The following MNAT1 variants were observed in gnomAD, a reference collection of about 807,000 sequenced individuals.
The protein encoded by MNAT1 is CDK-activating kinase assembly factor MAT1.
In MNAT1, 43 loss-of-function variants were observed where a neutral mutation model predicts 42.0. That is an observed-to-expected ratio of 1.02 (90% CI 0.80 to 1.32). The LOEUF (loss-of-function observed/expected upper bound fraction) is 1.32. MNAT1 is among the 40% of genes most tolerant of loss of function. MNAT1 has a pLI of 0.00. For synonymous variants in MNAT1, 118 were observed against 120.0 expected, an observed-to-expected ratio of 0.98 and a Z score of 0.11; for missense variants, 306 against 350.4, an observed-to-expected ratio of 0.87 and a Z score of 1.01.
chr14:60,834,862 C>T (rs1022752088), intron 6 of MNAT1, among the ~76,000 whole-genome samples: 1 of 151,938 alleles, frequency 6.6e-6, no homozygotes, highest in Non-Finnish European at 1.5e-5. Context: ...ATATTGGGTG[C>T]ATATATATTT....
At chr14:60,816,532 T>G (rs2032721305) in intron 5 of MNAT1, among the ~76,000 whole-genome samples, 1 of 152,068 alleles carries the variant, frequency 6.6e-6, no homozygotes, top group Non-Finnish European at 1.5e-5. Flanking sequence ...ATGGTCATTA[T>G]AAAGCTTTTA....
At chr14:60,754,363 A>G (rs2030239076) in intron 1 of MNAT1, among the ~76,000 whole-genome samples, 1 of 132,016 alleles carries the variant, frequency 7.6e-6, no homozygotes, top group African/African-American at 2.9e-5. Context: ...TTTTTTTGAG[A>G]CCGAGTCTCG....
chr14:60,865,454 C>T (rs150115452), intron 6 of MNAT1, among the ~76,000 whole-genome samples: 1 of 152,116 alleles, frequency 6.6e-6, no homozygotes, highest in African/African-American at 2.4e-5. Context: ...AAATTTCTTG[C>T]GAATACTGTT....
At chr14:60,809,460 G>C (rs2032477872) in intron 4 of MNAT1, among the ~76,000 whole-genome samples, 1 of 151,986 alleles carries the variant, frequency 6.6e-6, no homozygotes, top group Admixed American at 6.6e-5. Context: ...TCTTTGCCTA[G>C]TAACCTTCTC....
In MNAT1 at chr14:60,736,103, A is replaced by G. The variant is rs116927920; in HGVS notation, c.89+1152A>G. On this transcript the variant is annotated intron_variant, in intron 1 of 7. Coordinates refer to ENST00000261245, the MANE Select transcript of MNAT1 (RefSeq NM_002431.4). ...TATTTTCCTTTGCTTTACTCTGCAA[A>G]GAAGTATAGTAGAGCTGTGATTGAA... 3.1e-3 allele frequency among the ~76,000 whole-genome samples: 471 copies of G among 152,358 alleles called. 9 individuals are homozygous for G. In the East Asian group the frequency reaches 0.031, roughly 10 times the overall value.
chr14:60,874,987 T>C (rs536940596), intron 6 of MNAT1, among the ~76,000 whole-genome samples: 2 of 152,270 alleles, frequency 1.3e-5, no homozygotes, highest in East Asian at 1.9e-4. Flanking sequence ...ATCTATCTCA[T>C]GAGTTTTTTC....
chr14:60,918,198 CTTTTTTTTTTTT>C (rs386381525), intron 7 of MNAT1, among the ~76,000 whole-genome samples: 6,421 of 48,634 alleles, frequency 0.13, 601 homozygotes, highest in African/African-American at 0.38. Context: ...ATTAATTGTT[CTTTTTTTTTTTT>C]TTTTTTTTTT....
intron 6 of MNAT1, among the ~76,000 whole-genome samples, chr14:60,865,999 T>C (rs1430303227): frequency 6.6e-6 from 1 of 152,114 alleles, no homozygotes; most frequent in Non-Finnish European, 1.5e-5. Flanking sequence ...TTCCATGAAC[T>C]CTGCTGAATG....
intron 6 of MNAT1, among the ~76,000 whole-genome samples, chr14:60,860,873 T>C (rs2139433529): frequency 6.6e-6 from 1 of 152,310 alleles, no homozygotes; most frequent in African/African-American, 2.4e-5. Context: ...AGAATAAGAT[T>C]GTTCTTTAAG....
chr14:60,844,000 G>A (rs10135867), intron 6 of MNAT1, among the ~76,000 whole-genome samples: 144,084 of 152,216 alleles, frequency 0.95, 68,467 homozygotes, highest in Non-Finnish European at 0.99. Flanking sequence ...TTTTTTGCAT[G>A]TGAACATTTA....
chr14:60,942,133 C>G (rs2036177269), intron 7 of MNAT1, among the ~76,000 whole-genome samples: 1 of 147,828 alleles, frequency 6.8e-6, no homozygotes, highest in Non-Finnish European at 1.5e-5. Context: ...GATGAAAATA[C>G]TTTTAGGGAA....
intron 1 of MNAT1, among the ~76,000 whole-genome samples, chr14:60,791,385 G>A (rs1594756138): frequency 6.6e-6 from 1 of 151,980 alleles, no homozygotes; most frequent in African/African-American, 2.4e-5. Flanking sequence ...CTCTACCTGT[G>A]GATGAATTCT....
At chr14:60,748,762 A>C (rs985082584) in intron 1 of MNAT1, among the ~76,000 whole-genome samples, 1 of 152,188 alleles carries the variant, frequency 6.6e-6, no homozygotes, top group African/African-American at 2.4e-5. Context: ...TGATCTGCTG[A>C]GGCTGTTTCA....
In MNAT1 at chr14:60,837,442, A is replaced by G. The variant is rs144688848; in HGVS notation, c.687+18595A>G. Reference sequence around the variant, plus strand: ...TGGAGGGCACCGTTCCTCACGGTGCAGTCCCTCATGGCTTCCTTTGGCTAG... The same window carrying G: ...TGGAGGGCACCGTTCCTCACGGTGCGGTCCCTCATGGCTTCCTTTGGCTAG... On this transcript the variant is annotated intron_variant, in intron 6 of 7. Coordinates refer to ENST00000261245, the MANE Select transcript of MNAT1 (RefSeq NM_002431.4). Among the ~76,000 whole-genome samples, 753 of 152,310 alleles carry G rather than the reference A, an allele frequency of 4.9e-3. 10 individuals are homozygous for G. The highest frequency in any genetic ancestry group is 0.016 in the African/African-American group (677 of 41,570).
At chr14:60,798,028 T>C in intron 2 of MNAT1, 59 bp from the exon 3 acceptor site, 1 of 802,764 alleles carries the variant, frequency 1.2e-6, no homozygotes, top group Non-Finnish European at 2.1e-6. Flanking sequence ...GCAAACCAGT[T>C]AGATAATATT....
intron 7 of MNAT1, among the ~76,000 whole-genome samples, chr14:60,932,911 A>T (rs1378940135): frequency 6.6e-6 from 1 of 152,096 alleles, no homozygotes; most frequent in Non-Finnish European, 1.5e-5. Flanking sequence ...CTTTGAAGAT[A>T]TATGAATCAC....
chr14:60,839,239 C>A (rs2033479295), intron 6 of MNAT1, among the ~76,000 whole-genome samples: 3 of 152,148 alleles, frequency 2.0e-5, no homozygotes, highest in African/African-American at 7.2e-5. Flanking sequence ...CACCCATGGA[C>A]CAATTAGCAT....
intron 1 of MNAT1, among the ~76,000 whole-genome samples, chr14:60,761,173 G>A (rs1361260271): frequency 6.6e-6 from 1 of 152,056 alleles, no homozygotes; most frequent in Non-Finnish European, 1.5e-5. Flanking sequence ...ACTGGCTTGT[G>A]GTACTTTTTT....
rs560504459 is a variant in MNAT1, at chr14:60,943,180, G to A, written c.810-25049G>A. On this transcript the variant is annotated intron_variant, in intron 7 of 7. Transcript: ENST00000261245. ...CATGTGTATTTGTAAATCAACAATTGTGGTTCCTCTGATGCATACTGAATA... is the reference window on the plus strand; with the variant it reads ...CATGTGTATTTGTAAATCAACAATTATGGTTCCTCTGATGCATACTGAATA... 4.0e-5 allele frequency among the ~76,000 whole-genome samples: 6 copies of A among 149,322 alleles called. No individual in the cohort carries two copies. The East Asian group carries it at 1.0e-3, about 25-fold the overall frequency.
Sources: gnomAD v4.1 joint callset for allele counts (sites outside exome capture counted in the v4.1 genomes callset) on GRCh38, gnomAD v4.1.1 for gene constraint, MANE v1.5 for transcripts, NCBI Gene and HGNC (gene_info 2026-07-23, HGNC 2026-07-21) for gene names.